The following TLE1 variants were observed in gnomAD, a reference collection of about 807,000 sequenced individuals.
TLE1 encodes transducin-like enhancer protein 1.
A neutral mutation model predicts 89.8 loss-of-function variants in TLE1; 21 were observed. The observed-to-expected ratio is 0.23, with a 90% CI of 0.17 to 0.34. TLE1 has a LOEUF of 0.34. Among genes scored for constraint, TLE1 ranks in the 10% least tolerant of loss-of-function variants. TLE1 has a pLI of 1.00. For synonymous variants in TLE1, 447 were observed against 407.6 expected (o/e 1.10, Z -1.16); for missense variants, 795 against 1,031.2 (o/e 0.77, Z 3.14).
intron 4 of TLE1, among the ~76,000 whole-genome samples, chr9:81,680,078 G>A (rs552115944): frequency 5.9e-5 from 9 of 152,298 alleles, no homozygotes; most frequent in African/African-American, 2.2e-4. Flanking sequence ...CAATTTGCAC[G>A]CACGAGGTGC....
chr9:81,637,121 G>T (rs1588069796), intron 6 of TLE1, among the ~76,000 whole-genome samples: 2 of 152,292 alleles, frequency 1.3e-5, no homozygotes, highest in East Asian at 3.9e-4. Flanking sequence ...ACTTTGGGAG[G>T]CTGAGGCGGG....
At chr9:81,637,506 T>A (rs1827541179) in intron 6 of TLE1, among the ~76,000 whole-genome samples, 1 of 152,166 alleles carries the variant, frequency 6.6e-6, no homozygotes, top group African/African-American at 2.4e-5. Flanking sequence ...ACAGCAACAT[T>A]CAACAGCCTA....
chr9:81,639,996 C>G (rs952103064), intron 6 of TLE1, among the ~76,000 whole-genome samples: 5 of 152,124 alleles, frequency 3.3e-5, no homozygotes, highest in Admixed American at 2.6e-4. Context: ...TGACACCCCT[C>G]CCCTCCCTGC....
At chr9:81,586,941 A>C (rs971840960) in intron 17 of TLE1, among the ~76,000 whole-genome samples, 1 of 152,226 alleles carries the variant, frequency 6.6e-6, no homozygotes, top group Non-Finnish European at 1.5e-5. Flanking sequence ...TCTGAGTAGA[A>C]TTATTTTTAT....
chr9:81,615,005 GCCAACA>G, intron 11 of TLE1, among the ~76,000 whole-genome samples: 1 of 134,376 alleles, frequency 7.4e-6, no homozygotes, highest in South Asian at 2.5e-4. Context: ...GACCAGCATG[GCCAACA>G]TGAAACCCTG....
At chr9:81,630,935 C>T (rs186930627) in intron 8 of TLE1, among the ~76,000 whole-genome samples, 6 of 152,152 alleles carry the variant, frequency 3.9e-5, no homozygotes, top group Admixed American at 6.5e-5. Flanking sequence ...GAATTAAATG[C>T]TTAGGTTACA....
chr9:81,608,819 C>A (rs1823311457), intron 14 of TLE1, among the ~76,000 whole-genome samples: 1 of 152,020 alleles, frequency 6.6e-6, no homozygotes, highest in Non-Finnish European at 1.5e-5. Context: ...CACCCATAAT[C>A]CCAGCTACTC....
At chr9:81,652,447 A>G (rs1246805265) in intron 5 of TLE1, among the ~76,000 whole-genome samples, 159 bp from the exon 6 acceptor site, 1 of 152,214 alleles carries the variant, frequency 6.6e-6, no homozygotes, top group Non-Finnish European at 1.5e-5. Context: ...GAACATAGAT[A>G]GGGAAAGAAA....
intron 8 of TLE1, among the ~76,000 whole-genome samples, chr9:81,632,731 C>T (rs1465393259): frequency 6.6e-6 from 1 of 151,720 alleles, no homozygotes; most frequent in Admixed American, 6.6e-5. Context: ...CGCACACAGC[C>T]CTGTCCACTG....
Position 81,683,595 on chromosome 9 carries a change from T to C in TLE1, c.234+2081A>G, listed in dbSNP as rs557569094. 1.1e-4 allele frequency among the ~76,000 whole-genome samples: 16 copies of C among 152,290 alleles called. No individual in the cohort carries two copies. The South Asian group carries it at 2.7e-3, about 26-fold the overall frequency. On this transcript the variant is annotated intron_variant, in intron 4 of 19. Transcript: ENST00000376499. ...ATGTGTGACATTCAGAAGGATGTTT[T>C]TCAAATGTAAGTCCACTTTAAACTG...
intron 4 of TLE1, among the ~76,000 whole-genome samples, chr9:81,671,687 A>G (rs1255565479): frequency 6.6e-6 from 1 of 152,096 alleles, no homozygotes; most frequent in Non-Finnish European, 1.5e-5. Context: ...AGAAAAATCC[A>G]GTCAGTATTT....
At chr9:81,668,705 CA>C (rs59604053) in intron 4 of TLE1, among the ~76,000 whole-genome samples, 1 of 150,798 alleles carries the variant, frequency 6.6e-6, no homozygotes, top group Admixed American at 6.6e-5. Context: ...AAAAGTATGC[CA>C]AAAAAAAGGC....
At chr9:81,621,003 G>A in intron 8 of TLE1, 1 of 366,958 alleles carries the variant, frequency 2.7e-6, no homozygotes, top group Non-Finnish European at 5.4e-6. Context: ...GGAAGCGGTG[G>A]GATTAACAGC....
In TLE1 at chr9:81,600,276, C is replaced by T. The variant is rs141414804; in HGVS notation, c.1332-7002G>A. 4.1e-3 allele frequency among the ~76,000 whole-genome samples: 619 copies of T among 152,316 alleles called. 1 individual carries two copies. Among genetic ancestry groups the T allele is most frequent in the Non-Finnish European group, 5.9e-3 (403 of 68,026 alleles). ...ATTATCCAAGCAAGAAATATACACA[C>T]TACATTTATATCCCATAAACCAAAA... is the stretch of plus-strand genomic sequence containing the variant. On this transcript the variant is annotated intron_variant, in intron 14 of 19. Transcript: ENST00000376499.
intron 4 of TLE1, among the ~76,000 whole-genome samples, chr9:81,669,099 C>T (rs1664695653): frequency 6.6e-6 from 1 of 152,210 alleles, no homozygotes; most frequent in African/African-American, 2.4e-5. Context: ...CTCAATAATG[C>T]TGCACTCCTT....
intron 4 of TLE1, among the ~76,000 whole-genome samples, chr9:81,659,876 A>G (rs1354483966): frequency 1.3e-5 from 2 of 152,110 alleles, no homozygotes; most frequent in African/African-American, 2.4e-5. Flanking sequence ...ATACTATTCC[A>G]AAGTGCTGTA....
chr9:81,620,588 C>A, intron 8 of TLE1, 31 bp from the exon 9 acceptor site: 2 of 1,600,010 alleles, frequency 1.2e-6, no homozygotes, highest in Non-Finnish European at 1.7e-6. Flanking sequence ...TCAAAGATTT[C>A]TTCCCAAGCC....
chr9:81,663,859 C>T (rs1323175590), intron 4 of TLE1, among the ~76,000 whole-genome samples: 1 of 151,728 alleles, frequency 6.6e-6, no homozygotes, highest in Non-Finnish European at 1.5e-5. Context: ...CTTCTGACCT[C>T]GTGATCCGCC....
At chr9:81,602,285 G>A (rs988623860) in intron 14 of TLE1, among the ~76,000 whole-genome samples, 4 of 152,116 alleles carry the variant, frequency 2.6e-5, no homozygotes, top group East Asian at 3.9e-4. Context: ...TATTACCAGC[G>A]GGGCCTTGAA....
Sources: allele counts gnomAD v4.1 joint callset (sites outside exome capture counted in the v4.1 genomes callset), GRCh38; gene constraint gnomAD v4.1.1; transcripts MANE v1.5; gene names NCBI Gene and HGNC (gene_info 2026-07-23, HGNC 2026-07-21).